TRPS1: variants seen among roughly 807,000 people sequenced by gnomAD.
The protein encoded by TRPS1 is zinc finger transcription factor Trps1.
In TRPS1, 6 loss-of-function variants were observed where a neutral mutation model predicts 101.2. That is an observed-to-expected ratio of 0.06 (90% CI 0.03 to 0.12). The LOEUF (loss-of-function observed/expected upper bound fraction) is 0.12, where lower values mean the gene tolerates loss of function less well. TRPS1 is among the 10% of genes least tolerant of loss of function. The pLI is 1.00. For missense variants in TRPS1, 1,363 were observed against 1,567.0 expected (o/e 0.87, Z 2.20); for synonymous variants, 578 against 589.8 (o/e 0.98, Z 0.29).
intron 5 of TRPS1, among the ~76,000 whole-genome samples, chr8:115,491,960 C>T (rs1176811214): frequency 6.6e-6 from 1 of 151,946 alleles, no homozygotes; most frequent in Non-Finnish European, 1.5e-5. Flanking sequence ...TATGGCTTTT[C>T]TTTTTGTAAT....
In TRPS1 at chr8:115,410,085, A is replaced by C. The variant is rs551622525; in HGVS notation, c.*3938T>G. The C allele has an allele frequency of 6.6e-6, 1 of 152,058 alleles. No homozygotes were observed. The highest frequency in any genetic ancestry group is 1.5e-5 in the Non-Finnish European group (1 of 67,922). The allele number at this position is 152,058 out of a possible 1,614,324, so 9.4% of individuals were successfully genotyped here. On this transcript the variant is annotated 3_prime_UTR_variant, in exon 7 of 7. Transcript: ENST00000395715. ...GATATTCCCCCTCTAGAAATGCATTAATTTTATTTACTAAACAGGGCAGCA... is the reference window on the plus strand; with the variant it reads ...GATATTCCCCCTCTAGAAATGCATTCATTTTATTTACTAAACAGGGCAGCA...
chr8:115,480,886 G>A (rs748724604), intron 5 of TRPS1, among the ~76,000 whole-genome samples: 9 of 151,938 alleles, frequency 5.9e-5, no homozygotes, highest in African/African-American at 1.7e-4. Flanking sequence ...CTAAATTTAC[G>A]TGCATGTCAG....
At position 115,418,309 on chromosome 8, in the gene TRPS1, A is replaced by T. The variant is rs562718207; in HGVS notation, c.2823+21T>A. The T allele has an allele frequency of 5.6e-5, 91 of 1,614,038 alleles. 2 individuals are homozygous for T. The South Asian group carries it at 9.7e-4, about 17-fold the overall frequency. On this transcript the variant is annotated intron_variant, in intron 6 of 6. Coordinates refer to ENST00000395715, the MANE Select transcript of TRPS1 (RefSeq NM_014112.5). This position sits in a 1 kb window ranked among gnomAD's most constrained non-coding sequence, Gnocchi z 4.3. The stretch of plus-strand genomic sequence containing the variant: ...CACTGCTTTATAAAGCTTTTCCTGA[A>T]AGAGTGGAACAAGTTCTTACCGAGT...
At chr8:115,492,926 G>C (rs1317123505) in intron 5 of TRPS1, among the ~76,000 whole-genome samples, 1 of 152,062 alleles carries the variant, frequency 6.6e-6, no homozygotes, top group African/African-American at 2.4e-5. Context: ...TCTTGGCCAG[G>C]CTGGTTTTGA....
intron 5 of TRPS1, among the ~76,000 whole-genome samples, chr8:115,454,884 T>G (rs1248341555): frequency 6.6e-6 from 1 of 152,190 alleles, no homozygotes; most frequent in Admixed American, 6.5e-5. Flanking sequence ...AGTAATTCAT[T>G]ACTAGATTGT....
chr8:115,534,938 G>A (rs1350801885), intron 5 of TRPS1, among the ~76,000 whole-genome samples: 1 of 151,150 alleles, frequency 6.6e-6, no homozygotes, highest in Non-Finnish European at 1.5e-5. Flanking sequence ...GGTTGGAGAA[G>A]GTGAAGAAAA....
chr8:115,540,608 A>T (rs1014285275), intron 5 of TRPS1, among the ~76,000 whole-genome samples: 8 of 150,488 alleles, frequency 5.3e-5, no homozygotes, highest in Admixed American at 3.3e-4. Flanking sequence ...GGGGAATCAT[A>T]AAAAAAAATG....
intron 5 of TRPS1, among the ~76,000 whole-genome samples, chr8:115,432,181 A>G (rs1190881755): frequency 6.7e-6 from 1 of 148,424 alleles, no homozygotes; most frequent in East Asian, 2.0e-4. Context: ...TAAAATAAAT[A>G]TAAAAATATA....
intron 1 of TRPS1, among the ~76,000 whole-genome samples, chr8:115,632,793 G>A (rs1180896291): frequency 6.6e-6 from 1 of 152,116 alleles, no homozygotes; most frequent in African/African-American, 2.4e-5. Context: ...TATCTAAAGT[G>A]TTTAGCAGTC....
rs1473030157 is a variant in TRPS1, at chr8:115,420,220, C to CAA, written c.2701-1770_2701-1769dup. 7.2e-5 allele frequency among the ~76,000 whole-genome samples: 11 copies of CAA among 152,238 alleles called. No homozygotes were observed. The East Asian group carries it at 2.1e-3, about 29-fold the overall frequency. On this transcript the variant is annotated intron_variant, in intron 5 of 6. Coordinates refer to ENST00000395715, the MANE Select transcript of TRPS1 (RefSeq NM_014112.5). ...CTAAGTCTCAATAACATTGCAATAG[C>CAA]AAATGTTGGGTGTCAGTCTGCAAGT...
intron 1 of TRPS1, among the ~76,000 whole-genome samples, chr8:115,666,414 GAA>G (rs551357070): frequency 4.3e-5 from 6 of 140,222 alleles, no homozygotes; most frequent in African/African-American, 1.0e-4. Flanking sequence ...CTTGGGGAAA[GAA>G]AAAAAAAAAA....
intron 5 of TRPS1, among the ~76,000 whole-genome samples, chr8:115,429,016 A>G (rs1813255729): frequency 6.6e-6 from 1 of 152,198 alleles, no homozygotes; most frequent in South Asian, 2.1e-4. Flanking sequence ...AGGGAAACTG[A>G]GCTGATTTCT....
intron 1 of TRPS1, among the ~76,000 whole-genome samples, chr8:115,645,721 A>C (rs1819010358): frequency 6.6e-6 from 1 of 152,246 alleles, no homozygotes; most frequent in Non-Finnish European, 1.5e-5. Context: ...TTTTTAAAAA[A>C]TGATGGCACA....
intron 5 of TRPS1, among the ~76,000 whole-genome samples, chr8:115,480,154 A>G (rs7007901): frequency 0.021 from 3,252 of 152,254 alleles, 119 homozygotes; most frequent in African/African-American, 0.069. Context: ...ATTAAAATTA[A>G]GCACAAATCC....
Position 115,522,249 on chromosome 8 carries a change from G to A in TRPS1, c.2700+64752C>T, listed in dbSNP as rs146517528. ...CACAATAATAAAGTGTAATATCAAT[G>A]AGTATGACAGTAGGAGATTGTGTGA... On this transcript the variant is annotated intron_variant, in intron 5 of 6. Transcript: ENST00000395715. 1.5e-4 allele frequency among the ~76,000 whole-genome samples: 23 copies of A among 152,052 alleles called. No homozygotes were observed. In the East Asian group the frequency reaches 3.9e-3, roughly 26 times the overall value.
chr8:115,553,541 G>T (rs1816750139), intron 5 of TRPS1, among the ~76,000 whole-genome samples: 1 of 152,076 alleles, frequency 6.6e-6, no homozygotes, highest in South Asian at 2.1e-4. Flanking sequence ...TATCGTTTAT[G>T]ATAATATATG....
chr8:115,654,145 A>G (rs924893151), intron 1 of TRPS1, among the ~76,000 whole-genome samples: 1 of 152,364 alleles, frequency 6.6e-6, no homozygotes. Flanking sequence ...CCACTCCAAC[A>G]AAGTATGATT....
chr8:115,546,138 C>T (rs1224752459), intron 5 of TRPS1, among the ~76,000 whole-genome samples: 1 of 151,560 alleles, frequency 6.6e-6, no homozygotes, highest in African/African-American at 2.4e-5. Context: ...GGGCAGCAAG[C>T]AACTTTCAAA....
intron 5 of TRPS1, among the ~76,000 whole-genome samples, chr8:115,486,493 C>G (rs1194781292): frequency 1.3e-5 from 2 of 152,226 alleles, no homozygotes; most frequent in Non-Finnish European, 2.9e-5. Flanking sequence ...GAGGAAAGCA[C>G]ACCAAAAACT....
Sources: allele counts gnomAD v4.1 joint callset (sites outside exome capture counted in the v4.1 genomes callset), GRCh38; gene constraint gnomAD v4.1.1; non-coding constraint Gnocchi (gnomAD v3.1); transcripts MANE v1.5; gene names NCBI Gene and HGNC (gene_info 2026-07-23, HGNC 2026-07-21).